Variants in PTPRZ1 observed in about 807,000 individuals in gnomAD.
PTPRZ1 encodes the protein protein tyrosine phosphatase receptor type Z1.
In PTPRZ1, 82 loss-of-function variants were observed where a neutral mutation model predicts 214.1. The observed-to-expected ratio is 0.38, with a 90% CI of 0.32 to 0.46. PTPRZ1 has a LOEUF of 0.46. Ranked by LOEUF, PTPRZ1 falls within the 20% of genes least tolerant of loss-of-function variation. PTPRZ1 has a pLI of 1.00. For synonymous variants in PTPRZ1, 945 were observed against 987.9 expected, an observed-to-expected ratio of 0.96 and a Z score of 0.81; for missense variants, 2,603 against 2,748.7, an observed-to-expected ratio of 0.95 and a Z score of 1.19.
intron 8 of PTPRZ1, among the ~76,000 whole-genome samples, chr7:121,993,337 G>A (rs1798028850): frequency 6.6e-6 from 1 of 151,522 alleles, no homozygotes; most frequent in African/African-American, 2.4e-5. Flanking sequence ...GGATCACGAG[G>A]TCAGGAGATC....
intron 8 of PTPRZ1, among the ~76,000 whole-genome samples, chr7:121,990,964 C>A (rs1336871851): frequency 1.3e-5 from 2 of 152,200 alleles, no homozygotes; most frequent in Non-Finnish European, 2.9e-5. Context: ...TGCCTTCTTA[C>A]CACCTTACAA....
At chr7:121,921,020 T>G (rs895317092) in intron 1 of PTPRZ1, among the ~76,000 whole-genome samples, 1 of 152,096 alleles carries the variant, frequency 6.6e-6, no homozygotes, top group African/African-American at 2.4e-5. Context: ...TTAATAGCAG[T>G]TATTTGTAGG....
At chr7:121,903,187 G>A (rs748278767) in intron 1 of PTPRZ1, among the ~76,000 whole-genome samples, 11 of 152,154 alleles carry the variant, frequency 7.2e-5, no homozygotes, top group African/African-American at 1.2e-4. Flanking sequence ...CTTAATTAAG[G>A]TTGGGCAACT....
At chr7:122,033,552 T>C (rs759760058) in intron 15 of PTPRZ1, among the ~76,000 whole-genome samples, 2 of 152,066 alleles carry the variant, frequency 1.3e-5, no homozygotes, top group African/African-American at 2.4e-5. Context: ...TGTTATGCTA[T>C]CTAAATTTTG....
intron 1 of PTPRZ1, among the ~76,000 whole-genome samples, chr7:121,884,048 A>G (rs2116178033): frequency 6.6e-6 from 1 of 152,352 alleles, no homozygotes; most frequent in African/African-American, 2.4e-5. Context: ...AGAAGGCAGC[A>G]GCTGTCAAGA....
chr7:122,016,693 CAT>C (rs1798850771), intron 12 of PTPRZ1, among the ~76,000 whole-genome samples: 3 of 151,348 alleles, frequency 2.0e-5, no homozygotes, highest in Admixed American at 6.6e-5. Context: ...ATATATCTTA[CAT>C]ATATGACATA....
In PTPRZ1 at chr7:121,990,512, CTTTTTTTTTTTTTTTT is replaced by C. The variant is rs758696565; in HGVS notation, c.929-5858_929-5843del. 5.4e-5 allele frequency among the ~76,000 whole-genome samples: 4 copies of C among 73,468 alleles called. No homozygotes were observed. In the Admixed American group the frequency reaches 6.2e-4, roughly 11 times the overall value. 48.2% of individuals were successfully genotyped at this position (73,468 alleles called of 152,430 possible). On this transcript the variant is annotated intron_variant, in intron 8 of 29. Transcript: ENST00000393386. ...TCCTGAAAGAGTTAGTGAAAACTGT[CTTTTTTTTTTTTTTTT>C]TTTTTTTTTTTGACAGAGTCTCTCT...
In PTPRZ1 at chr7:122,030,535, A is replaced by C. The variant is rs1197285759; in HGVS notation, c.5081-939A>C. Among the ~76,000 whole-genome samples, 3 of 152,176 alleles carry C rather than the reference A, an allele frequency of 2.0e-5. No individual in the cohort carries two copies. The South Asian group carries it at 6.2e-4, about 32-fold the overall frequency. On this transcript the variant is annotated intron_variant, in intron 14 of 29. Transcript: ENST00000393386. The stretch of plus-strand genomic sequence containing the variant: ...GTCTAGTGTTTCTTAAGCTTGACTG[A>C]CTAATTCAATTTTAGTATTCAGATC...
intron 28 of PTPRZ1, among the ~76,000 whole-genome samples, 158 bp downstream of exon 28, chr7:122,059,100 T>A (rs1792477394): frequency 6.7e-6 from 1 of 149,272 alleles, no homozygotes; most frequent in Non-Finnish European, 1.5e-5. Context: ...ACAGAACATT[T>A]TTTTTTTTTT....
chr7:121,902,975 A>T (rs755248322), intron 1 of PTPRZ1, among the ~76,000 whole-genome samples: 2 of 152,166 alleles, frequency 1.3e-5, no homozygotes, highest in Non-Finnish European at 2.9e-5. Flanking sequence ...AAGAAAAAAA[A>T]AATAAACAGA....
At chr7:122,059,935 C>T in intron 29 of PTPRZ1, 47 bp downstream of exon 29, 1 of 1,574,072 alleles carries the variant, frequency 6.4e-7, no homozygotes, top group Middle Eastern at 1.7e-4. Flanking sequence ...TAGAGTACAA[C>T]TAACTTCCTA....
intron 2 of PTPRZ1, among the ~76,000 whole-genome samples, chr7:121,958,570 C>T (rs559981641): frequency 4.6e-5 from 7 of 152,156 alleles, no homozygotes; most frequent in Non-Finnish European, 8.8e-5. Flanking sequence ...CACTGATGTT[C>T]CCCAGACCAG....
At chr7:121,992,517 G>T (rs528848361) in intron 8 of PTPRZ1, among the ~76,000 whole-genome samples, 1 of 152,274 alleles carries the variant, frequency 6.6e-6, no homozygotes, top group African/African-American at 2.4e-5. Context: ...CTTTGTGTCA[G>T]CTAAAAGTTT....
At chr7:121,942,746 T>C (rs1012504163) in intron 2 of PTPRZ1, among the ~76,000 whole-genome samples, 13 of 152,222 alleles carry the variant, frequency 8.5e-5, no homozygotes, top group African/African-American at 3.1e-4. Flanking sequence ...GAGTTATCAC[T>C]GCAAGGTGTT....
At chr7:121,923,482 T>C (rs77992137) in intron 1 of PTPRZ1, among the ~76,000 whole-genome samples, 2,992 of 152,212 alleles carry the variant, frequency 0.02, 93 homozygotes, top group African/African-American at 0.069. Context: ...AGTAATATTT[T>C]GGCCACTTAT....
chr7:121,909,278 G>A (rs1252207160), intron 1 of PTPRZ1, among the ~76,000 whole-genome samples: 6 of 152,006 alleles, frequency 3.9e-5, no homozygotes, highest in Admixed American at 3.9e-4. Flanking sequence ...GGGATTCATG[G>A]GATTCAGGAA....
rs765819707 is a variant in PTPRZ1 at position 122,019,275 on chromosome 7, T to G, written c.4988+7T>G. On this transcript the variant is annotated splice_region_variant and intron_variant, in intron 13 of 29. Coordinates refer to ENST00000393386, the MANE Select transcript of PTPRZ1 (RefSeq NM_002851.3). Reference sequence around the variant, plus strand: ...GTATTCTCATCTACTGGAGGTAAGTTGAGTATTTGTTTTGGAAAATTTAAT... The same window carrying G: ...GTATTCTCATCTACTGGAGGTAAGTGGAGTATTTGTTTTGGAAAATTTAAT... 1.2e-5 allele frequency: 20 copies of G among 1,607,566 alleles called. No homozygotes were observed. Among genetic ancestry groups the G allele is most frequent in the Non-Finnish European group, 1.5e-5 (18 of 1,176,004 alleles).
chr7:121,908,869 A>G (rs1795191619), intron 1 of PTPRZ1: 1 of 499,080 alleles, frequency 2.0e-6, no homozygotes, highest in Admixed American at 2.1e-5. Context: ...ATATATATAA[A>G]ATATATAGTG....
chr7:122,006,309 TC>T lies in PTPRZ1; in HGVS notation c.1287+1651del, dbSNP rs1798483926. On this transcript the variant is annotated intron_variant, in intron 11 of 29. Coordinates refer to ENST00000393386, the MANE Select transcript of PTPRZ1 (RefSeq NM_002851.3). ...TATATATTATTGCTAACTGTAGTCA[TC>T]CTATAGTGCTATCAAACACTAGAAC... Among the ~76,000 whole-genome samples the T allele has an allele frequency of 2.0e-5, 3 of 152,228 alleles. No individual in the cohort carries two copies. In the South Asian group the frequency reaches 6.2e-4, roughly 32 times the overall value.
Sources: gnomAD v4.1 joint callset for allele counts (sites outside exome capture counted in the v4.1 genomes callset) on GRCh38, gnomAD v4.1.1 for gene constraint, MANE v1.5 for transcripts, NCBI Gene and HGNC (gene_info 2026-07-23, HGNC 2026-07-21) for gene names.